The following TMTC3 variants were observed in gnomAD, a reference collection of about 807,000 sequenced individuals.
TMTC3 encodes protein O-mannosyl-transferase TMTC3.
Under a neutral mutation model 92.2 loss-of-function variants are expected in TMTC3, and 52 were observed. That is an observed-to-expected ratio of 0.56 (90% CI 0.45 to 0.71). TMTC3 has a LOEUF of 0.71. Among genes scored for constraint, TMTC3 ranks in the 30% least tolerant of loss-of-function variants. The pLI, the probability that TMTC3 is intolerant of heterozygous loss-of-function variation, is 0.00. For synonymous variants in TMTC3, 339 were observed against 363.3 expected (o/e 0.93, Z 0.76); for missense variants, 896 against 1,057.1 (o/e 0.85, Z 2.11).
chr12:88,169,328 T>G (rs2041179214), intron 7 of TMTC3, among the ~76,000 whole-genome samples: 1 of 152,284 alleles, frequency 6.6e-6, no homozygotes, highest in East Asian at 1.9e-4. Context: ...AGCTGGAGTT[T>G]TCCTAAAAGA....
Position 88,199,719 on chromosome 12 carries a change from A to C in TMTC3, c.*4070A>C, listed in dbSNP as rs2041560138. On this transcript the variant is annotated 3_prime_UTR_variant, in exon 14 of 14. Transcript: ENST00000266712. ...CCATCAGGGAGGTAGCATAAAATGA[A>C]AGATAAAGTCTGAAGACTGGATCCA... 2 of 152,226 alleles carry C rather than the reference A, an allele frequency of 1.3e-5. No homozygotes were observed. The highest frequency in any genetic ancestry group is 4.1e-4 in the South Asian group (2 of 4,832). The allele number at this position is 152,226 out of a possible 1,614,324, so 9.4% of individuals were successfully genotyped here. A position where few individuals can be genotyped will look rare whatever the true frequency, so the allele number is the denominator to read the frequency against.
chr12:88,146,256 T>G (rs2040872319), intron 1 of TMTC3, among the ~76,000 whole-genome samples: 1 of 152,136 alleles, frequency 6.6e-6, no homozygotes, highest in Non-Finnish European at 1.5e-5. Context: ...TTGGGGAATC[T>G]TAAAAATTCT....
intron 7 of TMTC3, among the ~76,000 whole-genome samples, chr12:88,171,713 A>G (rs1423591759): frequency 1.3e-5 from 2 of 152,144 alleles, no homozygotes; most frequent in Non-Finnish European, 2.9e-5. Flanking sequence ...TTTCCTTTGG[A>G]TCTATACCCA....
intron 10 of TMTC3, among the ~76,000 whole-genome samples, chr12:88,180,754 G>T (rs2041309054): frequency 6.6e-6 from 1 of 152,072 alleles, no homozygotes; most frequent in African/African-American, 2.4e-5. Flanking sequence ...ATCCATAGAG[G>T]ACTTGAGGGG....
chr12:88,179,452 G>T (rs1158880666), intron 10 of TMTC3, among the ~76,000 whole-genome samples: 1 of 152,016 alleles, frequency 6.6e-6, no homozygotes, highest in Non-Finnish European at 1.5e-5. Context: ...TTTTGTATGG[G>T]TTATGTTAAA....
intron 1 of TMTC3, among the ~76,000 whole-genome samples, chr12:88,146,752 G>A (rs1345616166): frequency 1.3e-5 from 2 of 150,662 alleles, no homozygotes; most frequent in East Asian, 3.9e-4. Context: ...TTAAATAACT[G>A]ATTAAATTTA....
At chr12:88,183,261 G>T (rs534849617) in intron 10 of TMTC3, among the ~76,000 whole-genome samples, 1 of 152,276 alleles carries the variant, frequency 6.6e-6, no homozygotes, top group African/African-American at 2.4e-5. Context: ...ATTAGAAAGA[G>T]GTCTGCAGAA....
intron 4 of TMTC3, among the ~76,000 whole-genome samples, chr12:88,155,241 A>AT (rs1312495933): frequency 6.6e-6 from 1 of 152,224 alleles, no homozygotes; most frequent in Non-Finnish European, 1.5e-5. Context: ...TACTAGTTCC[A>AT]TTCACCGTAA....
intron 12 of TMTC3, among the ~76,000 whole-genome samples, chr12:88,191,429 ATTG>A (rs1436027733): frequency 6.6e-6 from 1 of 152,208 alleles, no homozygotes; most frequent in Non-Finnish European, 1.5e-5. Context: ...GAGAATATTA[ATTG>A]TTGTTCCTTT....
chr12:88,174,728 G>A lies in TMTC3; in HGVS notation c.1320+1G>A. Reference sequence around the variant, plus strand: ...TACATTGTTTATGTCAGCCTTGAAGGTAAAGTGTTGTTCAGAATGACAGGA... The same window carrying A: ...TACATTGTTTATGTCAGCCTTGAAGATAAAGTGTTGTTCAGAATGACAGGA... On this transcript the variant is annotated splice_donor_variant, in intron 9 of 13. Transcript: ENST00000266712. LOFTEE classifies it high-confidence loss of function. 3 of 1,611,668 alleles carry A rather than the reference G, an allele frequency of 1.9e-6. No homozygotes were observed. Among genetic ancestry groups the A allele is most frequent in the Non-Finnish European group, 2.5e-6 (3 of 1,178,684 alleles).
intron 1 of TMTC3, among the ~76,000 whole-genome samples, chr12:88,145,690 G>A (rs1028318938): frequency 1.3e-5 from 2 of 152,112 alleles, no homozygotes; most frequent in Non-Finnish European, 2.9e-5. Context: ...AGCAGAGAGG[G>A]AAATAGATAT....
chr12:88,166,204 AT>A, intron 6 of TMTC3, 125 bp from the exon 7 acceptor site: 1 of 950,768 alleles, frequency 1.1e-6, no homozygotes, highest in Non-Finnish European at 1.5e-6. Context: ...TACACATAAC[AT>A]TTGTCTGTGT....
At position 88,199,559 on chromosome 12, in the gene TMTC3, T is replaced by C. The variant is rs2041558360; in HGVS notation, c.*3910T>C. 1 of 152,134 alleles carries C rather than the reference T, an allele frequency of 6.6e-6. No homozygotes were observed. The highest frequency in any genetic ancestry group is 6.6e-5 in the Admixed American group (1 of 15,260). 9.4% of individuals were successfully genotyped at this position (152,134 alleles called of 1,614,324 possible). ...AGGATAACAAGCAAATGATTAGAAA[T>C]CTAATAGTAATGCTTGTTCCTTTGC... On this transcript the variant is annotated 3_prime_UTR_variant, in exon 14 of 14. Transcript: ENST00000266712.
intron 6 of TMTC3, among the ~76,000 whole-genome samples, chr12:88,164,123 G>A (rs891305828): frequency 6.7e-6 from 1 of 149,110 alleles, no homozygotes; most frequent in African/African-American, 2.5e-5. Flanking sequence ...CTGGGAGGCA[G>A]AGGTTGCAGT....
rs945494925 is a variant in TMTC3, at chr12:88,196,589, G to C, written c.*940G>C. On this transcript the variant is annotated 3_prime_UTR_variant, in exon 14 of 14. Coordinates refer to ENST00000266712, the MANE Select transcript of TMTC3 (RefSeq NM_181783.4). ...CAAAGTCACAATTGAATTATTCTTA[G>C]ATACCTTAAGCCACTGAATTCAGTT... The C allele has an allele frequency of 4.0e-5, 6 of 151,782 alleles. No homozygotes were observed. The highest frequency in any genetic ancestry group is 8.8e-5 in the Non-Finnish European group (6 of 67,830). The allele number at this position is 151,782 out of a possible 1,614,324, so 9.4% of individuals were successfully genotyped here.
chr12:88,188,539 A>G (rs2041404004), intron 10 of TMTC3, among the ~76,000 whole-genome samples: 1 of 152,212 alleles, frequency 6.6e-6, no homozygotes. Flanking sequence ...CAACTCTTCA[A>G]AAATCCATTC....
At chr12:88,144,460 C>T (rs765158213) in intron 1 of TMTC3, among the ~76,000 whole-genome samples, 25 of 150,988 alleles carry the variant, frequency 1.7e-4, no homozygotes, top group Middle Eastern at 6.8e-3. Context: ...TTACAAGTTT[C>T]GTTTGTCTGT....
intron 9 of TMTC3, 27 bp from the exon 10 acceptor site, chr12:88,176,172 TAATTGTAAC>T: frequency 7.0e-7 from 1 of 1,418,678 alleles, no homozygotes; most frequent in Non-Finnish European, 9.7e-7. Flanking sequence ...CATTTTTTTT[TAATTGTAAC>T]TTTTTCTATC....
Position 88,160,753 on chromosome 12 carries a change from G to A in TMTC3, c.699G>A (p.Leu233=), listed in dbSNP as rs961345809. Residue 233 remains leucine, a synonymous_variant, in exon 6 of 14, where the codon CTG becomes CTA. Transcript: ENST00000266712. ...RGKGSIPFSM[L]QTLVKLIVLM... is the part of the protein sequence containing the mutation. ...AGGGTAGCATTCCATTTTCTATGCT[G>A]CAGACACTAGTAAAACTCATTGTCT... 1.2e-6 allele frequency: 2 copies of A among 1,613,462 alleles called. No individual in the cohort carries two copies. The highest frequency in any genetic ancestry group is 1.7e-4 in the Middle Eastern group (1 of 6,058).
Sources: gnomAD v4.1 joint callset for allele counts (sites outside exome capture counted in the v4.1 genomes callset) on GRCh38, gnomAD v4.1.1 for gene constraint, MANE v1.5 for transcripts, NCBI Gene and HGNC (gene_info 2026-07-23, HGNC 2026-07-21) for gene names.